Variants in SPOCK1 observed in about 807,000 individuals in gnomAD.
The protein encoded by SPOCK1 is SPARC (osteonectin), cwcv and kazal like domains proteoglycan 1, also known as testican-1.
A neutral mutation model predicts 55.3 loss-of-function variants in SPOCK1; 23 were observed. The observed-to-expected ratio is 0.42, with a 90% CI of 0.30 to 0.59. The LOEUF is 0.59. Among genes scored for constraint, SPOCK1 ranks in the 20% least tolerant of loss-of-function variants. The pLI is 0.22. For missense variants in SPOCK1, 499 were observed against 552.5 expected (o/e 0.90, Z 0.97); for synonymous variants, 226 against 221.0 (o/e 1.02, Z -0.20).
intron 2 of SPOCK1, among the ~76,000 whole-genome samples, chr5:137,450,875 C>CTCTT (rs2149834708): frequency 0.024 from 1 of 42 alleles, no homozygotes; most frequent in African/African-American, 0.083. Flanking sequence ...GCTGCTCCAC[C>CTCTT]TCTCTCACCC....
chr5:137,436,828 T>C (rs1752875363), intron 2 of SPOCK1, among the ~76,000 whole-genome samples: 1 of 152,212 alleles, frequency 6.6e-6, no homozygotes, highest in Admixed American at 6.5e-5. Context: ...TTTCCTGTTA[T>C]GCTATTCCTG....
intron 2 of SPOCK1, among the ~76,000 whole-genome samples, chr5:137,475,766 G>A (rs1753825965): frequency 6.6e-6 from 1 of 151,824 alleles, no homozygotes; most frequent in African/African-American, 2.4e-5. Context: ...TAAAGATGGG[G>A]GTCTCATTAT....
At chr5:137,331,549 C>T (rs1347552792) in intron 2 of SPOCK1, among the ~76,000 whole-genome samples, 1 of 152,132 alleles carries the variant, frequency 6.6e-6, no homozygotes, top group Non-Finnish European at 1.5e-5. Context: ...AAGCATGGTG[C>T]CGGCGTCTGC....
chr5:137,016,266 T>G (rs536119636), intron 6 of SPOCK1, among the ~76,000 whole-genome samples: 13 of 152,276 alleles, frequency 8.5e-5, no homozygotes, highest in Non-Finnish European at 1.8e-4. Context: ...TGAATACTGG[T>G]AAAAATAATA....
chr5:137,471,849 G>C (rs1003820147), intron 2 of SPOCK1, among the ~76,000 whole-genome samples: 71 of 152,098 alleles, frequency 4.7e-4, no homozygotes, highest in African/African-American at 1.7e-3. Flanking sequence ...TGAGAACAAG[G>C]TGATTAGGGA....
intron 6 of SPOCK1, among the ~76,000 whole-genome samples, chr5:136,996,297 C>T (rs1330866096): frequency 6.6e-6 from 1 of 152,198 alleles, no homozygotes; most frequent in Non-Finnish European, 1.5e-5. Context: ...GCATTCTACC[C>T]TGTGGCAATC....
At chr5:137,382,174 C>A (rs528276649) in intron 2 of SPOCK1, among the ~76,000 whole-genome samples, 1 of 152,354 alleles carries the variant, frequency 6.6e-6, no homozygotes, top group East Asian at 1.9e-4. Flanking sequence ...GCAAGAATGA[C>A]CTTTGCTCCA....
intron 2 of SPOCK1, among the ~76,000 whole-genome samples, chr5:137,448,967 G>A (rs1753191271): frequency 6.6e-6 from 1 of 152,162 alleles, no homozygotes; most frequent in Admixed American, 6.5e-5. Context: ...TGTCAGTGGG[G>A]TGCCAGGGAA....
intron 2 of SPOCK1, among the ~76,000 whole-genome samples, chr5:137,352,955 C>T (rs1458735622): frequency 1.3e-5 from 2 of 152,208 alleles, no homozygotes; most frequent in Non-Finnish European, 2.9e-5. Context: ...TCCAAAAACA[C>T]ACAAAGTCCT....
At chr5:137,161,046 A>G (rs993984759) in intron 3 of SPOCK1, among the ~76,000 whole-genome samples, 1 of 146,910 alleles carries the variant, frequency 6.8e-6, no homozygotes, top group Non-Finnish European at 1.5e-5. Flanking sequence ...TATTTTATAT[A>G]TATCTCTCTA....
rs575385422 is a variant in SPOCK1 at position 137,077,216 on chromosome 5, G to A, written c.475-9387C>T. Among the ~76,000 whole-genome samples the A allele has an allele frequency of 9.8e-5, 15 of 152,340 alleles. No individual in the cohort carries two copies. The South Asian group carries it at 1.9e-3, about 19-fold the overall frequency. ...TGGGATTACAGGCGTGAGCCACCGC[G>A]CCCGGCCCCCGCAGATTTAATTTTT... On this transcript the variant is annotated intron_variant, in intron 5 of 10. Coordinates refer to ENST00000394945, the MANE Select transcript of SPOCK1 (RefSeq NM_004598.4).
chr5:137,044,346 T>C (rs1433639630), intron 6 of SPOCK1, among the ~76,000 whole-genome samples: 1 of 152,192 alleles, frequency 6.6e-6, no homozygotes, highest in Non-Finnish European at 1.5e-5. Flanking sequence ...ATTCACTTTA[T>C]CGTGAAAGTT....
chr5:137,454,706 G>A (rs561244710), intron 2 of SPOCK1, among the ~76,000 whole-genome samples: 7 of 152,192 alleles, frequency 4.6e-5, no homozygotes, highest in Non-Finnish European at 7.3e-5. Context: ...GGCATGATGA[G>A]AATGTTTTCC....
chr5:137,124,502 A>G (rs1753744048), intron 4 of SPOCK1, among the ~76,000 whole-genome samples: 1 of 152,130 alleles, frequency 6.6e-6, no homozygotes, highest in Admixed American at 6.5e-5. Context: ...GAGAGAAGAG[A>G]TTCTGGAGCC....
At chr5:137,097,748 G>C (rs990534536) in intron 5 of SPOCK1, among the ~76,000 whole-genome samples, 6 of 152,140 alleles carry the variant, frequency 3.9e-5, no homozygotes, top group African/African-American at 1.2e-4. Flanking sequence ...CTACATGTTG[G>C]CAAAATGAAT....
At chr5:137,325,481 A>T (rs1478368897) in intron 2 of SPOCK1, among the ~76,000 whole-genome samples, 1 of 152,212 alleles carries the variant, frequency 6.6e-6, no homozygotes, top group East Asian at 1.9e-4. Flanking sequence ...CTTTGCTAAG[A>T]AGAATTCTGC....
At chr5:137,014,366 T>C (rs1751410324) in intron 6 of SPOCK1, among the ~76,000 whole-genome samples, 1 of 152,188 alleles carries the variant, frequency 6.6e-6, no homozygotes, top group Non-Finnish European at 1.5e-5. Flanking sequence ...AGGTATTTCT[T>C]TACAGCAATG....
intron 6 of SPOCK1, among the ~76,000 whole-genome samples, chr5:137,042,554 G>T (rs1389763071): frequency 6.6e-6 from 1 of 152,120 alleles, no homozygotes; most frequent in African/African-American, 2.4e-5. Flanking sequence ...GACCTGTGTA[G>T]TTTTGGAAAT....
chr5:137,359,282 G>A (rs774660713), intron 2 of SPOCK1, among the ~76,000 whole-genome samples: 1 of 152,140 alleles, frequency 6.6e-6, no homozygotes, highest in South Asian at 2.1e-4. Flanking sequence ...ACCCCTCTCT[G>A]GCTGTTCGTC....
Sources: gnomAD v4.1 joint callset for allele counts (sites outside exome capture counted in the v4.1 genomes callset) on GRCh38, gnomAD v4.1.1 for gene constraint, MANE v1.5 for transcripts, NCBI Gene and HGNC (gene_info 2026-07-23, HGNC 2026-07-21) for gene names.